The following PDHX variants were observed in gnomAD, a reference collection of about 807,000 sequenced individuals.
PDHX encodes pyruvate dehydrogenase complex component X, also known as pyruvate dehydrogenase protein X component, mitochondrial.
In PDHX, 33 loss-of-function variants were observed where a neutral mutation model predicts 55.3. The ratio of observed to expected loss-of-function variants is 0.60; its 90% CI spans 0.45 to 0.80. PDHX has a LOEUF of 0.80. PDHX is among the 30% of genes least tolerant of loss of function. The probability of loss-of-function intolerance (pLI) is 0.00; values close to 1 mark genes in which losing one functional copy is unlikely to be tolerated. For synonymous variants in PDHX, 226 were observed against 219.4 expected (o/e 1.03, Z -0.27); for missense variants, 622 against 619.9 (o/e 1.00, Z -0.04).
At chr11:34,946,029 TG>T (rs993233789) in intron 2 of PDHX, among the ~76,000 whole-genome samples, 1 of 152,212 alleles carries the variant, frequency 6.6e-6, no homozygotes, top group Admixed American at 6.5e-5. Flanking sequence ...TAGCAAACAT[TG>T]CAGCCTCAGT....
chr11:34,929,021 G>A (rs1175011241), intron 1 of PDHX, among the ~76,000 whole-genome samples: 4 of 152,210 alleles, frequency 2.6e-5, no homozygotes, highest in Non-Finnish European at 5.9e-5. Flanking sequence ...TGGGAATTCA[G>A]TGAAACTGTT....
intron 10 of PDHX, among the ~76,000 whole-genome samples, chr11:34,992,757 A>G (rs1044849976): frequency 1.3e-5 from 2 of 152,156 alleles, no homozygotes; most frequent in Non-Finnish European, 2.9e-5. Flanking sequence ...AATTCATTTT[A>G]CTGTTGGTGG....
At chr11:34,966,175 A>C (rs1027174755) in intron 5 of PDHX, among the ~76,000 whole-genome samples, 2 of 152,196 alleles carry the variant, frequency 1.3e-5, no homozygotes, top group African/African-American at 4.8e-5. Flanking sequence ...GATTTGCACT[A>C]TAATAAACAA....
At chr11:34,930,126 G>T (rs994460179) in intron 1 of PDHX, among the ~76,000 whole-genome samples, 2 of 152,226 alleles carry the variant, frequency 1.3e-5, no homozygotes, top group African/African-American at 4.8e-5. Context: ...AGGCAGCGCC[G>T]TGTGTGTCTA....
chr11:34,979,761 C>T lies in PDHX; in HGVS notation c.1023+1579C>T, dbSNP rs568930177. Among the ~76,000 whole-genome samples the T allele has an allele frequency of 2.0e-5, 3 of 152,062 alleles. No individual in the cohort carries two copies. In the East Asian group the frequency reaches 5.8e-4, roughly 29 times the overall value. On this transcript the variant is annotated intron_variant, in intron 8 of 10. Coordinates refer to ENST00000227868, the MANE Select transcript of PDHX (RefSeq NM_003477.3). ...AAATCTCTAATGGGCATAAGCTATT[C>T]GTTAATATTTCATTGGATAATGTTT...
chr11:34,967,303 C>T (rs1301702107), intron 6 of PDHX, among the ~76,000 whole-genome samples: 2 of 152,158 alleles, frequency 1.3e-5, no homozygotes, highest in African/African-American at 2.4e-5. Flanking sequence ...CTTTGTTTTA[C>T]AGATTTCCTA....
intron 4 of PDHX, 145 bp downstream of exon 4, chr11:34,957,728 TG>T: frequency 5.2e-6 from 3 of 581,634 alleles, no homozygotes; most frequent in East Asian, 3.0e-5. Context: ...TTAGAGTGTG[TG>T]TTTTTTTTTT....
intron 2 of PDHX, among the ~76,000 whole-genome samples, chr11:34,934,170 G>C (rs1299329096): frequency 1.3e-5 from 2 of 152,128 alleles, no homozygotes; most frequent in African/African-American, 2.4e-5. Context: ...AAATAGTATA[G>C]CCAGTGATCA....
chr11:34,944,453 T>C (rs1854575238), intron 2 of PDHX, among the ~76,000 whole-genome samples: 1 of 152,200 alleles, frequency 6.6e-6, no homozygotes. Flanking sequence ...GTTTGTTGAC[T>C]AGGGACATCT....
At chr11:34,959,453 TG>T (rs1306215753) in intron 4 of PDHX, among the ~76,000 whole-genome samples, 1 of 152,048 alleles carries the variant, frequency 6.6e-6, no homozygotes, top group Admixed American at 6.6e-5. Context: ...TAACAAGTGT[TG>T]GCAAGGACAT....
chr11:34,980,348 G>GTTTTTTTTTTTTTTTTTTTTTTTTT (rs1319243948), intron 8 of PDHX, among the ~76,000 whole-genome samples: 6 of 30,476 alleles, frequency 2.0e-4, no homozygotes, highest in Non-Finnish European at 3.0e-4. Context: ...GTTTAAGATA[G>GTTTTTTTTTTTTTTTTTTTTTTTTT]TTTCTTTTTT....
chr11:34,979,208 G>T (rs1590764898), intron 8 of PDHX, among the ~76,000 whole-genome samples: 1 of 152,174 alleles, frequency 6.6e-6, no homozygotes, highest in Non-Finnish European at 1.5e-5. Flanking sequence ...TGGGAAAACT[G>T]GGAGGGGTAT....
intron 6 of PDHX, among the ~76,000 whole-genome samples, chr11:34,967,579 T>C (rs1309927324): frequency 6.6e-6 from 1 of 152,218 alleles, no homozygotes; most frequent in East Asian, 1.9e-4. Context: ...ATGCATGCAG[T>C]ATAACAGCCC....
At chr11:34,919,180 G>A (rs180820436) in intron 1 of PDHX, among the ~76,000 whole-genome samples, 3 of 152,106 alleles carry the variant, frequency 2.0e-5, no homozygotes, top group Non-Finnish European at 4.4e-5. Flanking sequence ...TCCTAATACC[G>A]AGCCAAAATA....
intron 10 of PDHX, among the ~76,000 whole-genome samples, chr11:34,994,601 A>G (rs1395981708): frequency 6.6e-6 from 1 of 152,190 alleles, no homozygotes; most frequent in African/African-American, 2.4e-5. Flanking sequence ...ATAATCTTAT[A>G]AGACCACCGT....
chr11:34,944,605 CA>C (rs1229891289), intron 2 of PDHX, among the ~76,000 whole-genome samples: 10 of 152,118 alleles, frequency 6.6e-5, no homozygotes, highest in Admixed American at 6.5e-4. Flanking sequence ...TCTTGGTACA[CA>C]ATGAAGTACT....
In PDHX at chr11:34,916,708, T is replaced by C. The variant is rs1463450082; in HGVS notation, c.53T>C (p.Val18Ala). 1 of 1,613,130 alleles carries C rather than the reference T, an allele frequency of 6.2e-7. No individual in the cohort carries two copies. The highest frequency in any genetic ancestry group is 8.5e-7 in the Non-Finnish European group (1 of 1,179,910). ...GATCCGCGGCTGCTGCGTTATCTTG[T>C]GGGCTTCCCCGGCCGCCGAAGCGTA... Reference protein sequence around the residue: ...GCDPRLLRYLVGFPGRRSVGL... With the variant: ...GCDPRLLRYLAGFPGRRSVGL... Residue 18 changes from valine to alanine, a missense_variant, in exon 1 of 11, where the codon GTG (valine) becomes GCG (alanine). By Grantham distance (64) the Val-to-Ala change is moderately conservative. Coordinates refer to ENST00000227868, the MANE Select transcript of PDHX (RefSeq NM_003477.3).
intron 8 of PDHX, among the ~76,000 whole-genome samples, chr11:34,982,164 G>T (rs1360609823): frequency 6.6e-6 from 1 of 152,132 alleles, no homozygotes; most frequent in South Asian, 2.1e-4. Flanking sequence ...AATCCATCTT[G>T]AATTAATTTT....
intron 2 of PDHX, among the ~76,000 whole-genome samples, chr11:34,932,192 T>G (rs914109801): frequency 6.6e-6 from 1 of 152,134 alleles, no homozygotes; most frequent in East Asian, 1.9e-4. Flanking sequence ...AGTCTTGAAT[T>G]CCTCTGAACC....
Sources: allele counts gnomAD v4.1 joint callset (sites outside exome capture counted in the v4.1 genomes callset), GRCh38; gene constraint gnomAD v4.1.1; transcripts MANE v1.5; gene names NCBI Gene and HGNC (gene_info 2026-07-23, HGNC 2026-07-21).